PHTF1: variants seen among roughly 807,000 people sequenced by gnomAD.
The protein encoded by PHTF1 is protein PHTF1.
Under a neutral mutation model 102.4 loss-of-function variants are expected in PHTF1, and 88 were observed. That is an observed-to-expected ratio of 0.86 (90% CI 0.72 to 1.03). PHTF1 has a LOEUF of 1.03. Ranked by LOEUF, PHTF1 falls within the 50% of genes least tolerant of loss-of-function variation. The pLI is 0.00. For synonymous variants in PHTF1, 289 were observed against 305.2 expected, an observed-to-expected ratio of 0.95 and a Z score of 0.55; for missense variants, 814 against 909.5, an observed-to-expected ratio of 0.89 and a Z score of 1.35.
intron 7 of PHTF1, among the ~76,000 whole-genome samples, chr1:113,720,611 C>T (rs1206419063): frequency 6.6e-6 from 1 of 152,214 alleles, no homozygotes; most frequent in East Asian, 1.9e-4. Context: ...GGTACAGCCT[C>T]CCTCCTGGCT....
chr1:113,722,182 T>G (rs1342724801), intron 7 of PHTF1, among the ~76,000 whole-genome samples: 1 of 151,214 alleles, frequency 6.6e-6, no homozygotes, highest in Non-Finnish European at 1.5e-5. Context: ...CCGGGCGCAG[T>G]GGGTCACGCC....
intron 7 of PHTF1, among the ~76,000 whole-genome samples, chr1:113,722,875 G>A (rs1048317684): frequency 9.3e-5 from 14 of 150,642 alleles, no homozygotes; most frequent in Admixed American, 2.7e-4. Flanking sequence ...AGCCGAGATC[G>A]CGCCATTGCA....
intron 16 of PHTF1, among the ~76,000 whole-genome samples, chr1:113,700,593 T>C (rs1044442888): frequency 6.6e-6 from 1 of 152,242 alleles, no homozygotes; most frequent in African/African-American, 2.4e-5. Context: ...CCATTAGATC[T>C]TAATTCTCAC....
At chr1:113,724,027 T>C (rs1653429435) in intron 7 of PHTF1, among the ~76,000 whole-genome samples, 1 of 152,170 alleles carries the variant, frequency 6.6e-6, no homozygotes, top group Non-Finnish European at 1.5e-5. Flanking sequence ...AAGGTACTCA[T>C]ATCATTGATC....
chr1:113,706,846 T>A, intron 11 of PHTF1, 124 bp from the exon 12 acceptor site: 1 of 543,680 alleles, frequency 1.8e-6, no homozygotes, highest in Non-Finnish European at 3.1e-6. Flanking sequence ...GTCCTTTCTT[T>A]CTTTCTTTTT....
In PHTF1 at chr1:113,721,159, C is replaced by T. The variant is rs75301579; in HGVS notation, c.623+3600G>A. Among the ~76,000 whole-genome samples the T allele has an allele frequency of 1.4e-3, 220 of 152,140 alleles. 2 individuals are homozygous for T. In the East Asian group the frequency reaches 0.04, roughly 27 times the overall value. ...TAAATAAAAAGATCATTCATCACGA[C>T]CAAGTAGGGTTATACCAGGGATGCA... On this transcript the variant is annotated intron_variant, in intron 7 of 18. Transcript: ENST00000369604.
chr1:113,747,822 G>T (rs1467998403), intron 3 of PHTF1, among the ~76,000 whole-genome samples: 1 of 152,134 alleles, frequency 6.6e-6, no homozygotes, highest in Non-Finnish European at 1.5e-5. Flanking sequence ...TGAGCTAGAA[G>T]TTGCTGCTGA....
chr1:113,727,663 T>G (rs1200480224), intron 5 of PHTF1, among the ~76,000 whole-genome samples: 1 of 152,138 alleles, frequency 6.6e-6, no homozygotes, highest in Admixed American at 6.6e-5. Flanking sequence ...TTGACAGTTA[T>G]GTAATAAAGA....
chr1:113,707,365 G>T (rs1464318604), intron 11 of PHTF1, among the ~76,000 whole-genome samples: 2 of 152,156 alleles, frequency 1.3e-5, no homozygotes, highest in East Asian at 3.8e-4. Context: ...GCCATATCAT[G>T]TCTTATTCTT....
intron 7 of PHTF1, among the ~76,000 whole-genome samples, chr1:113,720,162 T>C (rs766079283): frequency 2.6e-5 from 4 of 152,188 alleles, no homozygotes; most frequent in African/African-American, 9.6e-5. Flanking sequence ...GCTATACTTA[T>C]ATTGGTCAAA....
Position 113,752,385 on chromosome 1 carries a change from ATTTTTTTTTTTTTT to A in PHTF1, c.102+5300_102+5313del, listed in dbSNP as rs774522219. Among the ~76,000 whole-genome samples the A allele has an allele frequency of 2.7e-4, 13 of 47,888 alleles. 1 individual carries two copies. The highest frequency in any genetic ancestry group is 3.4e-4 in the Non-Finnish European group (9 of 26,426). 31.4% of individuals were successfully genotyped at this position (47,888 alleles called of 152,430 possible). On this transcript the variant is annotated intron_variant, in intron 3 of 18. Transcript: ENST00000369604. ...CTTGCCACATTCATTTGTTACTGTA[ATTTTTTTTTTTTTT>A]TTTTTTTTTTTTTTTTTTGAGACGG...
At chr1:113,708,470 A>G (rs1250510995) in intron 11 of PHTF1, among the ~76,000 whole-genome samples, 1 of 152,200 alleles carries the variant, frequency 6.6e-6, no homozygotes, top group Non-Finnish European at 1.5e-5. Flanking sequence ...TACTAAAAAT[A>G]CAAAAATTAG....
Position 113,734,791 on chromosome 1 carries a change from T to C in PHTF1, c.331+3319A>G, listed in dbSNP as rs549203955. Among the ~76,000 whole-genome samples the C allele has an allele frequency of 2.6e-5, 4 of 152,292 alleles. No individual in the cohort carries two copies. In the South Asian group the frequency reaches 6.2e-4, roughly 24 times the overall value. On this transcript the variant is annotated intron_variant, in intron 5 of 18. Coordinates refer to ENST00000369604, the MANE Select transcript of PHTF1 (RefSeq NM_001323043.2). ...TATAGTTTGGGGATGAGTGCCCTTA[T>C]AGATGTGGCCTTATAAAATGACTCC...
rs1428012468 is a variant in PHTF1 at position 113,710,277 on chromosome 1, G to T, written c.1246C>A (p.Pro416Thr). The T allele has an allele frequency of 1.2e-6, 2 of 1,612,994 alleles. No homozygotes were observed. Among genetic ancestry groups the T allele is most frequent in the African/African-American group, 2.7e-5 (2 of 74,868 alleles). The change falls in exon 11 of 19, where the codon CCC (proline) becomes ACC (threonine). Residue 416 changes from proline to threonine, a missense_variant. Physicochemically the swap from Pro to Thr is conservative, Grantham distance 38. Transcript: ENST00000369604. The part of the protein sequence containing the change: ...NTLHSGTKRD[P>T]KEDVFQQNHL... The stretch of plus-strand genomic sequence containing the variant: ...ACCTGCTGAAAAACATCCTCTTTGG[G>T]GTCACGTTTGGTCCCTGAGTGAAGG...
At chr1:113,712,672 C>G (rs1247762669) in intron 8 of PHTF1, among the ~76,000 whole-genome samples, 4 of 152,164 alleles carry the variant, frequency 2.6e-5, no homozygotes, top group Non-Finnish European at 5.9e-5. Flanking sequence ...AAAATAATTT[C>G]CCAAACTCTT....
rs1491284957 is a variant in PHTF1, at chr1:113,711,968, GAT to G, written c.927_928del (p.Lys309AsnfsTer27). On this transcript the variant is annotated frameshift_variant, in exon 9 of 19. Coordinates refer to ENST00000369604, the MANE Select transcript of PHTF1 (RefSeq NM_001323043.2). LOFTEE classifies it high-confidence loss of function. ...AGAGTTTAGGTGCCTTGAAAGTATT[GAT>G]TTTCTATTCTTAACTTCACAACCAT... 6.2e-7 allele frequency: 1 copy of G among 1,613,978 alleles called. No homozygotes were observed. Among genetic ancestry groups the G allele is most frequent in the Non-Finnish European group, 8.5e-7 (1 of 1,179,886 alleles).
chr1:113,737,099 G>C (rs191745163), intron 5 of PHTF1, among the ~76,000 whole-genome samples: 22 of 152,346 alleles, frequency 1.4e-4, no homozygotes, highest in Admixed American at 1.1e-3. Flanking sequence ...TGGCAGTAGA[G>C]ACTGAGATAA....
Position 113,697,581 on chromosome 1 carries a change from A to AAG in PHTF1, c.*123_*124insCT. Reference sequence around the variant, plus strand: ...GGAAACACCATTCATTCGCTTTGGCAGAGCTGAGAGCACCTGTGCATGTGA... The same window carrying AAG: ...GGAAACACCATTCATTCGCTTTGGCAAGGAGCTGAGAGCACCTGTGCATGTGA... On this transcript the variant is annotated 3_prime_UTR_variant, in exon 19 of 19. Transcript: ENST00000369604. 1.5e-6 allele frequency: 1 copy of AAG among 676,518 alleles called. No individual in the cohort carries two copies. The highest frequency in any genetic ancestry group is 1.8e-5 in the South Asian group (1 of 55,084). 41.9% of individuals were successfully genotyped at this position (676,518 alleles called of 1,614,324 possible). A position where few individuals can be genotyped will look rare whatever the true frequency, so the allele number is the denominator to read the frequency against.
intron 5 of PHTF1, among the ~76,000 whole-genome samples, chr1:113,729,959 A>G (rs905056944): frequency 6.6e-6 from 1 of 152,240 alleles, no homozygotes; most frequent in African/African-American, 2.4e-5. Context: ...CCTGTTTGGA[A>G]CCATCCCAAA....
Sources: allele counts gnomAD v4.1 joint callset (sites outside exome capture counted in the v4.1 genomes callset), GRCh38; gene constraint gnomAD v4.1.1; transcripts MANE v1.5; gene names NCBI Gene and HGNC (gene_info 2026-07-23, HGNC 2026-07-21).